ROCK1: variants seen among roughly 807,000 people sequenced by gnomAD.
ROCK1 encodes Rho associated coiled-coil containing protein kinase 1.
A neutral mutation model predicts 196.8 loss-of-function variants in ROCK1; 36 were observed. The ratio of observed to expected loss-of-function variants is 0.18; its 90% CI spans 0.14 to 0.24. The LOEUF is 0.24. ROCK1 is among the 10% of genes least tolerant of loss of function. The pLI is 1.00. For missense variants in ROCK1, 920 were observed against 1,562.0 expected (o/e 0.59, Z 6.93); for synonymous variants, 443 against 515.9 (o/e 0.86, Z 1.91).
At chr18:21,074,747 C>A (rs1259912836) in intron 1 of ROCK1, among the ~76,000 whole-genome samples, 2 of 152,120 alleles carry the variant, frequency 1.3e-5, no homozygotes, top group Non-Finnish European at 2.9e-5. Flanking sequence ...AAAAAAAATA[C>A]TTCCTGTCTC....
In ROCK1 at chr18:21,020,134, T is replaced by C. The variant is rs755089014; in HGVS notation, c.1361+17A>G. ...ATATAAAACTTTTAATATGAAAAAC[T>C]TAAAGTATATTCTCACCTGCACTTC... On this transcript the variant is annotated intron_variant, in intron 12 of 32. Coordinates refer to ENST00000399799, the MANE Select transcript of ROCK1 (RefSeq NM_005406.3). The C allele has an allele frequency of 6.6e-7, 1 of 1,517,184 alleles. No individual in the cohort carries two copies. The highest frequency in any genetic ancestry group is 2.3e-5 in the East Asian group (1 of 43,436). 94.0% of individuals were successfully genotyped at this position (1,517,184 alleles called of 1,614,324 possible).
rs144989818 is a variant in ROCK1, at chr18:20,979,238, A to G, written c.2654+672T>C. ...GCCACCATGCCCGGCCATAACCTGC[A>G]TAGTAATCCTAAGAAGACCTTAAAT... On this transcript the variant is annotated intron_variant, in intron 22 of 32. Coordinates refer to ENST00000399799, the MANE Select transcript of ROCK1 (RefSeq NM_005406.3). Among the ~76,000 whole-genome samples the G allele has an allele frequency of 5.5e-3, 842 of 152,316 alleles. 2 individuals carry two copies. Among genetic ancestry groups the G allele is most frequent in the Non-Finnish European group, 9.2e-3 (624 of 68,036 alleles).
intron 1 of ROCK1, among the ~76,000 whole-genome samples, chr18:21,091,045 T>A (rs1001613649): frequency 2.3e-5 from 1 of 43,398 alleles, no homozygotes; most frequent in African/African-American, 6.2e-5. Flanking sequence ...TCTACTTATA[T>A]GTGGATTTTT....
At position 20,960,178 on chromosome 18, in the gene ROCK1, T is replaced by C; in HGVS notation, c.3381A>G (p.Val1127=). 1 of 1,600,322 alleles carries C rather than the reference T, an allele frequency of 6.2e-7. No homozygotes were observed. Among genetic ancestry groups the C allele is most frequent in the Non-Finnish European group, 8.6e-7 (1 of 1,167,518 alleles). The change falls in exon 28 of 33, where the codon GTA becomes GTG. Residue 1127 remains valine (V), a synonymous_variant. Transcript: ENST00000399799. ...ATCGTTTGATATTTCCTCTATTTGG[T>C]ACTGAAAGCCAACCTTCAATTCTTG... ...PESRIEGWLS[V]PNRGNIKRYG...
intron 11 of ROCK1, among the ~76,000 whole-genome samples, chr18:21,022,839 A>G (rs970244290): frequency 1.3e-5 from 2 of 152,070 alleles, no homozygotes; most frequent in African/African-American, 4.8e-5. Context: ...AAATGCAAAA[A>G]TATGGTGTGT....
At chr18:21,102,833 T>C (rs1350058449) in intron 1 of ROCK1, among the ~76,000 whole-genome samples, 1 of 151,836 alleles carries the variant, frequency 6.6e-6, no homozygotes, top group Non-Finnish European at 1.5e-5. Context: ...GCCACCACAC[T>C]TCAGCCTGGG....
At chr18:21,054,521 A>T (rs2036230991) in intron 2 of ROCK1, among the ~76,000 whole-genome samples, 1 of 152,040 alleles carries the variant, frequency 6.6e-6, no homozygotes, top group Middle Eastern at 3.2e-3. Context: ...CGACCCTGAA[A>T]GTGGGAGATC....
chr18:21,059,526 A>T (rs2036271247), intron 2 of ROCK1, among the ~76,000 whole-genome samples: 1 of 152,252 alleles, frequency 6.6e-6, no homozygotes, highest in Non-Finnish European at 1.5e-5. Flanking sequence ...CATTATATAC[A>T]AATGGAGATA....
At chr18:21,048,999 T>G in intron 4 of ROCK1, 93 bp downstream of exon 4, 1 of 1,137,378 alleles carries the variant, frequency 8.8e-7, no homozygotes, top group Non-Finnish European at 1.2e-6. Flanking sequence ...GCCAGTAAAT[T>G]CTCTACTACT....
chr18:21,026,270 C>T (rs1431666271), intron 10 of ROCK1, among the ~76,000 whole-genome samples: 2 of 151,984 alleles, frequency 1.3e-5, no homozygotes, highest in South Asian at 4.2e-4. Flanking sequence ...CATGGAGAAA[C>T]CCTGTCTCTA....
In ROCK1 at chr18:21,111,603, G is replaced by A. The variant is rs1418579559; in HGVS notation, c.-693C>T. The A allele has an allele frequency of 1.3e-5, 2 of 156,390 alleles. No individual in the cohort carries two copies. Among genetic ancestry groups the A allele is most frequent in the Admixed American group, 6.5e-5 (1 of 15,354 alleles). 9.7% of individuals were successfully genotyped at this position (156,390 alleles called of 1,614,324 possible). On this transcript the variant is annotated 5_prime_UTR_variant, in exon 1 of 33. Transcript: ENST00000399799. The surrounding 1 kb of genome is among the most constrained non-coding windows in gnomAD (Gnocchi z 4.2). ...GAGGTCGATGCCCGATGGAGACTTA[G>A]CAGAGGAAAGGCTGGAGAGCGGGCG...
chr18:21,008,281 C>CA lies in ROCK1; in HGVS notation c.1411-88dup. 7.8e-6 allele frequency: 7 copies of CA among 895,282 alleles called. No individual in the cohort carries two copies. In the South Asian group the frequency reaches 1.0e-4, roughly 13 times the overall value. The allele number at this position is 895,282 out of a possible 1,614,324, so 55.5% of individuals were successfully genotyped here. A position where few individuals can be genotyped will look rare whatever the true frequency, so the allele number is the denominator to read the frequency against. ...GTATTTTGTTCTTAAAAACAAAAAA[C>CA]AAGAAAAAAAAAAAGACAAACACTT... On this transcript the variant is annotated intron_variant, in intron 13 of 32. Transcript: ENST00000399799.
chr18:21,008,793 T>C (rs1478347679), intron 13 of ROCK1, among the ~76,000 whole-genome samples: 1 of 152,198 alleles, frequency 6.6e-6, no homozygotes, highest in African/African-American at 2.4e-5. Flanking sequence ...AATTTTTAGA[T>C]AATTATACAT....
At chr18:21,085,942 A>C (rs1467045900) in intron 1 of ROCK1, among the ~76,000 whole-genome samples, 1 of 152,172 alleles carries the variant, frequency 6.6e-6, no homozygotes, top group Non-Finnish European at 1.5e-5. Context: ...GGGTGAACAC[A>C]ATCAAAGTTT....
At chr18:21,020,643 T>C (rs1432872806) in intron 11 of ROCK1, among the ~76,000 whole-genome samples, 3 of 152,204 alleles carry the variant, frequency 2.0e-5, no homozygotes, top group African/African-American at 7.2e-5. Context: ...GCCAAGAATA[T>C]ATAATCCTTG....
chr18:21,049,570 ACTT>A (rs1384202481), intron 3 of ROCK1, among the ~76,000 whole-genome samples: 1 of 152,182 alleles, frequency 6.6e-6, no homozygotes, highest in East Asian at 1.9e-4. Flanking sequence ...GATGCCTGAC[ACTT>A]CTTTTCTGCC....
intron 2 of ROCK1, among the ~76,000 whole-genome samples, chr18:21,060,656 A>G (rs957202945): frequency 3.9e-5 from 6 of 152,082 alleles, no homozygotes; most frequent in African/African-American, 1.4e-4. Flanking sequence ...CCTGACCAAC[A>G]TGGAGAAACC....
chr18:21,031,389 G>C (rs2036004888), intron 9 of ROCK1, among the ~76,000 whole-genome samples: 1 of 152,026 alleles, frequency 6.6e-6, no homozygotes, highest in Admixed American at 6.5e-5. Context: ...TGGATCACAA[G>C]GTCAGGAGAT....
intron 3 of ROCK1, among the ~76,000 whole-genome samples, chr18:21,049,448 T>C (rs2036187099): frequency 6.6e-6 from 1 of 152,248 alleles, no homozygotes; most frequent in Non-Finnish European, 1.5e-5. Context: ...TTATTTCCTA[T>C]ATTACAAGAC....
Sources: allele counts gnomAD v4.1 joint callset (sites outside exome capture counted in the v4.1 genomes callset), GRCh38; gene constraint gnomAD v4.1.1; non-coding constraint Gnocchi (gnomAD v3.1); transcripts MANE v1.5; gene names NCBI Gene and HGNC (gene_info 2026-07-23, HGNC 2026-07-21).